The following TAFA2 variants were observed in gnomAD, a reference collection of about 807,000 sequenced individuals.
TAFA2 encodes the protein TAFA chemokine like family member 2.
Under a neutral mutation model 18.8 loss-of-function variants are expected in TAFA2, and 7 were observed. That is an observed-to-expected ratio of 0.37 (90% CI 0.21 to 0.70). TAFA2 has a LOEUF of 0.70. Among genes scored for constraint, TAFA2 ranks in the 30% least tolerant of loss-of-function variants. TAFA2 has a pLI of 0.53. For missense variants in TAFA2, 122 were observed against 158.1 expected, an observed-to-expected ratio of 0.77 and a Z score of 1.23; for synonymous variants, 60 against 54.2, an observed-to-expected ratio of 1.11 and a Z score of -0.47.
chr12:61,900,744 G>T (rs1001837296), intron 1 of TAFA2, among the ~76,000 whole-genome samples: 3 of 152,176 alleles, frequency 2.0e-5, no homozygotes, highest in Non-Finnish European at 4.4e-5. Context: ...TGAGATTTGG[G>T]TGGGGATATA....
At chr12:62,052,731 G>A (rs995060493) in intron 1 of TAFA2, among the ~76,000 whole-genome samples, 1 of 151,998 alleles carries the variant, frequency 6.6e-6, no homozygotes, top group Non-Finnish European at 1.5e-5. Context: ...GGTCTGAGCC[G>A]CAGCATAAAT....
chr12:61,976,997 TC>T (rs1879461694), intron 1 of TAFA2, among the ~76,000 whole-genome samples: 2 of 152,094 alleles, frequency 1.3e-5, no homozygotes, highest in Non-Finnish European at 2.9e-5. Context: ...TGTGCATGTG[TC>T]TTTGTAGTAG....
chr12:61,737,172 A>G (rs1170678383), intron 4 of TAFA2, among the ~76,000 whole-genome samples: 1 of 151,928 alleles, frequency 6.6e-6, no homozygotes, highest in African/African-American at 2.4e-5. Flanking sequence ...CTATTTTAAA[A>G]CACTGCAATA....
At chr12:61,978,852 T>G (rs1879529101) in intron 1 of TAFA2, among the ~76,000 whole-genome samples, 1 of 152,074 alleles carries the variant, frequency 6.6e-6, no homozygotes, top group Non-Finnish European at 1.5e-5. Flanking sequence ...GCAGTAGCTA[T>G]CATGGCCGAT....
intron 1 of TAFA2, among the ~76,000 whole-genome samples, chr12:61,893,735 G>A (rs1224109714): frequency 6.6e-6 from 1 of 152,040 alleles, no homozygotes; most frequent in Non-Finnish European, 1.5e-5. Flanking sequence ...CTATGTTTTA[G>A]TTTGTGCAAA....
intron 1 of TAFA2, chr12:62,258,298 T>C (rs938693681): frequency 3.3e-5 from 5 of 152,188 alleles, no homozygotes; most frequent in African/African-American, 7.2e-5. Context: ...ATAATTCAAA[T>C]TGGCATTGAA....
At chr12:62,124,472 G>C (rs1158471967) in intron 1 of TAFA2, among the ~76,000 whole-genome samples, 1 of 151,698 alleles carries the variant, frequency 6.6e-6, no homozygotes, top group African/African-American at 2.4e-5. Context: ...CATTTACTAA[G>C]GATAACAGAA....
At chr12:62,108,457 T>C (rs1043676964) in intron 1 of TAFA2, among the ~76,000 whole-genome samples, 109 of 152,158 alleles carry the variant, frequency 7.2e-4, no homozygotes, top group Admixed American at 7.1e-3. Flanking sequence ...TGTACATGTG[T>C]ATATGTCTTT....
At chr12:62,232,501 TAG>T (rs1359074818) in intron 1 of TAFA2, among the ~76,000 whole-genome samples, 4 of 152,144 alleles carry the variant, frequency 2.6e-5, no homozygotes, top group African/African-American at 7.2e-5. Flanking sequence ...CAAAATCTAC[TAG>T]AGAGTCCACG....
At chr12:61,716,581 T>TA (rs967606921) in intron 4 of TAFA2, among the ~76,000 whole-genome samples, 16 of 152,100 alleles carry the variant, frequency 1.1e-4, no homozygotes, top group Middle Eastern at 3.4e-3. Flanking sequence ...TAGCTTAATT[T>TA]AAAAAAAATT....
intron 1 of TAFA2, among the ~76,000 whole-genome samples, chr12:62,102,995 T>A (rs969089191): frequency 1.3e-5 from 2 of 152,184 alleles, no homozygotes; most frequent in African/African-American, 4.8e-5. Flanking sequence ...CGACTTCTCT[T>A]TCTACAGCAC....
At chr12:62,198,917 A>G (rs2062660065) in intron 1 of TAFA2, among the ~76,000 whole-genome samples, 1 of 152,244 alleles carries the variant, frequency 6.6e-6, no homozygotes, top group Non-Finnish European at 1.5e-5. Context: ...CCATTTCACA[A>G]AGTGATGTGA....
chr12:61,922,043 A>G (rs1316588314), intron 1 of TAFA2, among the ~76,000 whole-genome samples: 2 of 152,226 alleles, frequency 1.3e-5, no homozygotes, highest in Non-Finnish European at 2.9e-5. Flanking sequence ...CAGAAGTTTC[A>G]GTCGTCTTGA....
intron 2 of TAFA2, among the ~76,000 whole-genome samples, chr12:61,817,684 G>A (rs1872141779): frequency 6.6e-6 from 1 of 152,168 alleles, no homozygotes; most frequent in African/African-American, 2.4e-5. Context: ...TTCTGATGCA[G>A]ATTAGTGCTG....
At chr12:61,822,175 T>C (rs1477568796) in intron 2 of TAFA2, among the ~76,000 whole-genome samples, 1 of 152,052 alleles carries the variant, frequency 6.6e-6, no homozygotes, top group African/African-American at 2.4e-5. Context: ...GTGGCTACTA[T>C]AGGTTAAAAA....
At chr12:62,077,363 T>G (rs1355925272) in intron 1 of TAFA2, among the ~76,000 whole-genome samples, 1 of 152,238 alleles carries the variant, frequency 6.6e-6, no homozygotes, top group African/African-American at 2.4e-5. Flanking sequence ...AAAGCTATCT[T>G]TCGCATAAGA....
chr12:62,059,562 T>C (rs984782604), intron 1 of TAFA2, among the ~76,000 whole-genome samples: 1 of 152,112 alleles, frequency 6.6e-6, no homozygotes, highest in Non-Finnish European at 1.5e-5. Flanking sequence ...GTTGCTGTTT[T>C]ATAATACATG....
chr12:61,917,946 A>T (rs1876893115), intron 1 of TAFA2, among the ~76,000 whole-genome samples: 2 of 152,208 alleles, frequency 1.3e-5, no homozygotes, highest in South Asian at 4.1e-4. Context: ...CTAGAGAGGC[A>T]GTAGTGGATA....
intron 1 of TAFA2, among the ~76,000 whole-genome samples, chr12:62,159,344 T>C (rs1035399407): frequency 3.9e-5 from 6 of 152,196 alleles, no homozygotes; most frequent in Admixed American, 3.9e-4. Context: ...GTGCTATCAT[T>C]ACCAGCAGAA....
Sources: gnomAD v4.1 joint callset for allele counts (sites outside exome capture counted in the v4.1 genomes callset) on GRCh38, gnomAD v4.1.1 for gene constraint, MANE v1.5 for transcripts, NCBI Gene and HGNC (gene_info 2026-07-23, HGNC 2026-07-21) for gene names.